The following LRP1B variants were observed in gnomAD, a reference collection of about 807,000 sequenced individuals.
The protein encoded by LRP1B is LDL receptor related protein 1B.
Under a neutral mutation model 556.6 loss-of-function variants are expected in LRP1B, and 217 were observed. The ratio of observed to expected loss-of-function variants is 0.39; its 90% CI spans 0.35 to 0.44. The LOEUF (loss-of-function observed/expected upper bound fraction) is 0.44. Ranked by LOEUF, LRP1B falls within the 20% of genes least tolerant of loss-of-function variation. LRP1B has a pLI of 1.00. For synonymous variants in LRP1B, 2,047 were observed against 1,865.8 expected (o/e 1.10, Z -2.50); for missense variants, 5,053 against 5,620.8 (o/e 0.90, Z 3.23).
intron 3 of LRP1B, among the ~76,000 whole-genome samples, chr2:141,290,959 A>T (rs1573761761): frequency 6.6e-6 from 1 of 152,144 alleles, no homozygotes; most frequent in Admixed American, 6.5e-5. Flanking sequence ...CAAGTGTATA[A>T]GATATGTTAT....
chr2:142,055,915 C>T (rs924389741), intron 1 of LRP1B, among the ~76,000 whole-genome samples: 22 of 152,114 alleles, frequency 1.4e-4, no homozygotes, highest in African/African-American at 5.1e-4. Context: ...CTTTGGGAGG[C>T]GGAGGTGAGT....
intron 66 of LRP1B, among the ~76,000 whole-genome samples, chr2:140,424,746 G>A (rs1382523576): frequency 6.6e-6 from 1 of 152,150 alleles, no homozygotes; most frequent in Non-Finnish European, 1.5e-5. Context: ...TTCAAACAGT[G>A]CGTGAACATG....
At chr2:140,849,191 C>T (rs1488900839) in intron 29 of LRP1B, among the ~76,000 whole-genome samples, 2 of 41,556 alleles carry the variant, frequency 4.8e-5, no homozygotes, top group East Asian at 1.4e-3. Flanking sequence ...CCTGTATCTA[C>T]TAAAAATACA....
At chr2:140,397,536 C>T (rs1016603486) in intron 66 of LRP1B, among the ~76,000 whole-genome samples, 1 of 152,114 alleles carries the variant, frequency 6.6e-6, no homozygotes, top group Non-Finnish European at 1.5e-5. Context: ...TGCCCATAGT[C>T]ATACAACACA....
Position 140,541,068 on chromosome 2 carries a change from C to T in LRP1B, c.7418G>A (p.Gly2473Glu), listed in dbSNP as rs941413498. 5 of 1,610,722 alleles carry T rather than the reference C, an allele frequency of 3.1e-6. No homozygotes were observed. The Admixed American group carries it at 6.7e-5, about 22-fold the overall frequency. ...CELSPCALLN[G>E]GCHDLCLLTP... ...TAAAAGGCACAAGTCATGGCAGCCT[C>T]CATTCAATAATGCACATGGAGAAAG... is the stretch of plus-strand genomic sequence containing the variant. Residue 2473 changes from glycine to glutamate, a missense_variant, in exon 45 of 91, where the codon GGA becomes GAA. Gly to Glu is a moderately conservative substitution (Grantham distance 98, BLOSUM62 -2). Transcript: ENST00000389484.
At chr2:141,232,466 T>G (rs1422441404) in intron 5 of LRP1B, among the ~76,000 whole-genome samples, 3 of 152,190 alleles carry the variant, frequency 2.0e-5, no homozygotes, top group Non-Finnish European at 4.4e-5. Flanking sequence ...TACTAGTCAG[T>G]AAACTTAATG....
chr2:141,594,220 T>C (rs1687436967), intron 2 of LRP1B, among the ~76,000 whole-genome samples: 1 of 152,068 alleles, frequency 6.6e-6, no homozygotes, highest in Non-Finnish European at 1.5e-5. Context: ...TTCCTTTTGC[T>C]TCATAAATTC....
intron 2 of LRP1B, among the ~76,000 whole-genome samples, chr2:141,705,027 T>A (rs1692087131): frequency 6.6e-6 from 1 of 151,984 alleles, no homozygotes. Flanking sequence ...CTTGGGGAGT[T>A]TACCATGTAC....
intron 2 of LRP1B, among the ~76,000 whole-genome samples, chr2:141,741,550 T>C (rs1349869939): frequency 3.9e-5 from 6 of 152,160 alleles, no homozygotes; most frequent in African/African-American, 7.2e-5. Context: ...TGATCAGTGG[T>C]ATTGAGCACC....
intron 5 of LRP1B, 127 bp downstream of exon 5, chr2:141,247,099 T>C: frequency 9.4e-7 from 1 of 1,066,416 alleles, no homozygotes; most frequent in Admixed American, 2.3e-5. Flanking sequence ...GAGAAGTGTA[T>C]TAAAATGAAA....
At position 140,971,078 on chromosome 2, in the gene LRP1B, G is replaced by A. The variant is rs563666938; in HGVS notation, c.2887+11082C>T. ...ATTGGTCGCTTATTGAAACAATGAT[G>A]ACATTTTTTGTGCTAATAACCTTAA... On this transcript the variant is annotated intron_variant, in intron 18 of 90. Transcript: ENST00000389484. Among the ~76,000 whole-genome samples, 193 of 152,182 alleles carry A rather than the reference G, an allele frequency of 1.3e-3. 1 individual carries two copies. Among genetic ancestry groups the A allele is most frequent in the African/African-American group, 4.2e-3 (175 of 41,530 alleles).
At chr2:140,461,481 A>G (rs1687316755) in intron 60 of LRP1B, among the ~76,000 whole-genome samples, 1 of 152,164 alleles carries the variant, frequency 6.6e-6, no homozygotes, top group African/African-American at 2.4e-5. Context: ...TACTTTAAGA[A>G]TCTAAATGTT....
intron 3 of LRP1B, among the ~76,000 whole-genome samples, chr2:141,281,271 T>G (rs539113935): frequency 6.6e-6 from 1 of 152,142 alleles, no homozygotes; most frequent in African/African-American, 2.4e-5. Context: ...TGTCTTTTTA[T>G]TAGTTTTACT....
intron 22 of LRP1B, among the ~76,000 whole-genome samples, 165 bp from the exon 23 acceptor site, chr2:140,903,330 T>A (rs948533156): frequency 2.6e-5 from 4 of 152,064 alleles, no homozygotes; most frequent in African/African-American, 9.7e-5. Flanking sequence ...GGTATAGAAA[T>A]GATGATAGGA....
intron 1 of LRP1B, among the ~76,000 whole-genome samples, chr2:142,081,675 C>T (rs533968221): frequency 1.3e-5 from 2 of 152,264 alleles, no homozygotes; most frequent in East Asian, 1.9e-4. Context: ...GACTGGTTCT[C>T]GCTATGCTGT....
At chr2:141,803,216 C>CTT (rs36054783) in intron 2 of LRP1B, among the ~76,000 whole-genome samples, 2 of 143,078 alleles carry the variant, frequency 1.4e-5, no homozygotes, top group African/African-American at 5.2e-5. Context: ...TGCAATCGAC[C>CTT]TTTTTTTTTT....
At position 141,157,307 on chromosome 2, in the gene LRP1B, T is replaced by C. The variant is rs185566903; in HGVS notation, c.1013+31114A>G. Among the ~76,000 whole-genome samples, 706 of 143,744 alleles carry C rather than the reference T, an allele frequency of 4.9e-3. 11 individuals are homozygous for C. Among genetic ancestry groups the C allele is most frequent in the African/African-American group, 0.018 (661 of 37,754 alleles). The allele number at this position is 143,744 out of a possible 152,430, so 94.3% of individuals were successfully genotyped here. On this transcript the variant is annotated intron_variant, in intron 7 of 90. Coordinates refer to ENST00000389484, the MANE Select transcript of LRP1B (RefSeq NM_018557.3). The stretch of plus-strand genomic sequence containing the variant: ...TCTGGATGATAAAATAAAGTTTCAT[T>C]ATTACTTCATATATATAAAATATAC...
rs767699033 is a variant in LRP1B, at chr2:140,239,570, A to T, written c.13325-38T>A. Reference sequence around the variant, plus strand: ...TGAGTGAATAGATGAAGAAATAAATAAAATGAAGTAAAAATTGATAAAACT... The same window carrying T: ...TGAGTGAATAGATGAAGAAATAAATTAAATGAAGTAAAAATTGATAAAACT... On this transcript the variant is annotated intron_variant, in intron 87 of 90. Transcript: ENST00000389484. The T allele has an allele frequency of 6.7e-6, 9 of 1,333,754 alleles. No homozygotes were observed. The African/African-American group carries it at 1.2e-4, about 18-fold the overall frequency. 82.6% of individuals were successfully genotyped at this position (1,333,754 alleles called of 1,614,324 possible). A position where few individuals can be genotyped will look rare whatever the true frequency, so the allele number is the denominator to read the frequency against.
At chr2:141,663,501 G>A (rs1232504190) in intron 2 of LRP1B, among the ~76,000 whole-genome samples, 1 of 151,870 alleles carries the variant, frequency 6.6e-6, no homozygotes, top group Non-Finnish European at 1.5e-5. Context: ...AAGTGATAAC[G>A]AGAATATCAC....
Sources: allele counts gnomAD v4.1 joint callset (sites outside exome capture counted in the v4.1 genomes callset), GRCh38; gene constraint gnomAD v4.1.1; transcripts MANE v1.5; gene names NCBI Gene and HGNC (gene_info 2026-07-23, HGNC 2026-07-21).